IQGAP2: variants seen among roughly 807,000 people sequenced by gnomAD.
The protein encoded by IQGAP2 is ras GTPase-activating-like protein IQGAP2.
IQGAP2 carries 173 observed loss-of-function variants against 201.3 expected under a neutral mutation model. That is an observed-to-expected ratio of 0.86 (90% CI 0.76 to 0.98). IQGAP2 has a LOEUF of 0.98. Ranked by LOEUF, IQGAP2 falls within the 50% of genes least tolerant of loss-of-function variation. IQGAP2 has a pLI of 0.00. For synonymous variants in IQGAP2, 675 were observed against 673.9 expected, an observed-to-expected ratio of 1.00 and a Z score of -0.03; for missense variants, 1,687 against 1,864.8, an observed-to-expected ratio of 0.90 and a Z score of 1.76.
intron 35 of IQGAP2, among the ~76,000 whole-genome samples, chr5:76,703,155 G>T (rs1358513667): frequency 7.0e-6 from 1 of 142,348 alleles, no homozygotes; most frequent in African/African-American, 2.6e-5. Context: ...TGTGGGGGGA[G>T]GGGGTGGGGG....
At chr5:76,469,521 C>T (rs1371665906) in intron 2 of IQGAP2, among the ~76,000 whole-genome samples, 1 of 152,004 alleles carries the variant, frequency 6.6e-6, no homozygotes, top group Non-Finnish European at 1.5e-5. Flanking sequence ...TCTCCTGCCT[C>T]AGCCTCCCAA....
chr5:76,592,869 C>T lies in IQGAP2; in HGVS notation c.851C>T (p.Ala284Val). 1 of 1,612,020 alleles carries T rather than the reference C, an allele frequency of 6.2e-7. No individual in the cohort carries two copies. The highest frequency in any genetic ancestry group is 1.1e-5 in the South Asian group (1 of 90,976). Residue 284 changes from alanine (A) to valine (V), a missense_variant, in exon 9 of 36, where the codon GCT becomes GTT. Coordinates refer to ENST00000274364, the MANE Select transcript of IQGAP2 (RefSeq NM_006633.5). ...NSCISEEERD[A>V]YEELLTQAEI... ...TGTATTTCAGAAGAAGAAAGAGATG[C>T]TTATGAAGAACTGCTGACACAAGCA...
intron 21 of IQGAP2, among the ~76,000 whole-genome samples, chr5:76,664,456 G>A (rs757906392): frequency 3.3e-5 from 5 of 152,328 alleles, no homozygotes; most frequent in African/African-American, 9.6e-5. Context: ...AGGCCAAAGC[G>A]GGTGGATCAA....
intron 17 of IQGAP2, among the ~76,000 whole-genome samples, chr5:76,643,525 A>C (rs1238393669): frequency 6.6e-6 from 1 of 152,176 alleles, no homozygotes; most frequent in Non-Finnish European, 1.5e-5. Context: ...AAATGGTAAG[A>C]TGATAGAGAT....
rs1390331703 is a variant in IQGAP2, at chr5:76,403,512, G to A, written c.-34G>A. ...TGGCCAGCGAGGGTAGCCGCGGGGG[G>A]CGCGCCCCGGGCGGGCCCCCGGAGA... is the stretch of plus-strand genomic sequence containing the variant. On this transcript the variant is annotated 5_prime_UTR_variant, in exon 1 of 36. Coordinates refer to ENST00000274364, the MANE Select transcript of IQGAP2 (RefSeq NM_006633.5). This position sits in a 1 kb window ranked among gnomAD's most constrained non-coding sequence, Gnocchi z 4.8. 2.1e-6 allele frequency: 3 copies of A among 1,451,178 alleles called. No homozygotes were observed. Among genetic ancestry groups the A allele is most frequent in the African/African-American group, 1.5e-5 (1 of 66,814 alleles). The allele number at this position is 1,451,178 out of a possible 1,614,324, so 89.9% of individuals were successfully genotyped here.
chr5:76,666,850 C>G (rs1743807564), intron 22 of IQGAP2, among the ~76,000 whole-genome samples: 1 of 152,148 alleles, frequency 6.6e-6, no homozygotes, highest in South Asian at 2.1e-4. Flanking sequence ...CTCAAGCAAT[C>G]CTCCCACCTT....
At chr5:76,428,597 A>T (rs1752148190) in intron 1 of IQGAP2, among the ~76,000 whole-genome samples, 1 of 150,664 alleles carries the variant, frequency 6.6e-6, no homozygotes, top group Admixed American at 6.6e-5. Flanking sequence ...CACCCAGCTA[A>T]TTTTGCATTT....
intron 6 of IQGAP2, 22 bp downstream of exon 6, chr5:76,588,995 AT>A (rs757645782): frequency 2.0e-6 from 3 of 1,523,234 alleles, no homozygotes; most frequent in Non-Finnish European, 1.8e-6. Flanking sequence ...TATCTTTGTA[AT>A]TTTTTACAAT....
chr5:76,608,580 T>C (rs1667801260), intron 12 of IQGAP2, among the ~76,000 whole-genome samples: 2 of 152,208 alleles, frequency 1.3e-5, no homozygotes, highest in Non-Finnish European at 2.9e-5. Context: ...CTCCCCACCT[T>C]ATTCTTGCCA....
intron 2 of IQGAP2, among the ~76,000 whole-genome samples, chr5:76,516,978 C>T (rs1302788940): frequency 6.6e-6 from 1 of 152,078 alleles, no homozygotes; most frequent in Non-Finnish European, 1.5e-5. Flanking sequence ...AAGATAGTGG[C>T]CCCCTTTCCT....
At chr5:76,561,521 G>C (rs1380424688) in intron 2 of IQGAP2, among the ~76,000 whole-genome samples, 1 of 152,170 alleles carries the variant, frequency 6.6e-6, no homozygotes, top group Admixed American at 6.5e-5. Context: ...TAGATCAGTA[G>C]CTGGGTGGCA....
At chr5:76,645,075 T>C (rs10062581) in intron 17 of IQGAP2, among the ~76,000 whole-genome samples, 93,876 of 151,768 alleles carry the variant, frequency 0.62, 29,192 homozygotes, top group South Asian at 0.77. Flanking sequence ...GTTCAACTCC[T>C]ACTTATGAGT....
intron 17 of IQGAP2, among the ~76,000 whole-genome samples, chr5:76,646,917 C>G (rs463016): frequency 0.64 from 97,191 of 151,890 alleles, 31,112 homozygotes; most frequent in South Asian, 0.78. Flanking sequence ...ATGTAGAAAA[C>G]TTATCAATTT....
At chr5:76,418,405 C>CTCTGAATT (rs1751535076) in intron 1 of IQGAP2, among the ~76,000 whole-genome samples, 2 of 151,942 alleles carry the variant, frequency 1.3e-5, no homozygotes, top group Admixed American at 1.3e-4. Flanking sequence ...TAGTAAGAAT[C>CTCTGAATT]TCTGAATTGA....
At chr5:76,617,668 C>G in intron 13 of IQGAP2, 1 of 1,613,884 alleles carries the variant, frequency 6.2e-7, no homozygotes. Context: ...TTAAGACTAC[C>G]CAGGCACAAA....
intron 4 of IQGAP2, among the ~76,000 whole-genome samples, chr5:76,575,322 C>A (rs868391149): frequency 1.6e-4 from 24 of 152,308 alleles, no homozygotes; most frequent in Middle Eastern, 3.4e-3. Context: ...AACAAGGACA[C>A]CCTTCTCAGG....
At chr5:76,444,053 A>G (rs563909513) in intron 1 of IQGAP2, among the ~76,000 whole-genome samples, 4 of 152,220 alleles carry the variant, frequency 2.6e-5, no homozygotes, top group East Asian at 1.9e-4. Flanking sequence ...AATGGGAGAG[A>G]AGGCTCTTCC....
intron 2 of IQGAP2, among the ~76,000 whole-genome samples, chr5:76,533,465 A>G (rs1042030520): frequency 2.6e-5 from 4 of 151,936 alleles, no homozygotes; most frequent in African/African-American, 9.7e-5. Context: ...TTCTTTATAT[A>G]TTTATTGAGC....
At chr5:76,610,076 CTATATATA>C (rs869050901) in intron 12 of IQGAP2, among the ~76,000 whole-genome samples, 2,616 of 18,458 alleles carry the variant, frequency 0.14, 314 homozygotes, top group East Asian at 0.24. Flanking sequence ...CTCTCTCTCT[CTATATATA>C]TATATATATA....
Sources: gnomAD v4.1 joint callset for allele counts (sites outside exome capture counted in the v4.1 genomes callset) on GRCh38, gnomAD v4.1.1 for gene constraint, Gnocchi (gnomAD v3.1) non-coding constraint, MANE v1.5 for transcripts, NCBI Gene and HGNC (gene_info 2026-07-23, HGNC 2026-07-21) for gene names.